GRPR: variants seen among roughly 807,000 people sequenced by gnomAD.
GRPR encodes gastrin releasing peptide receptor, also known as gastrin-releasing peptide receptor.
Under a neutral mutation model 15.6 loss-of-function variants are expected in GRPR, and 4 were observed. The ratio of observed to expected loss-of-function variants is 0.26; its 90% CI spans 0.13 to 0.59. The LOEUF is 0.59. Among genes scored for constraint, GRPR ranks in the 20% least tolerant of loss-of-function variants. GRPR has a pLI of 0.90. For missense variants in GRPR, 270 were observed against 304.1 expected (o/e 0.89, Z 0.83); for synonymous variants, 128 against 126.8 (o/e 1.01, Z -0.06).
Position 16,124,323 on chromosome X carries a change from G to A in GRPR, c.370G>A (p.Val124Ile), listed in dbSNP as rs776833596. ...GATCCCCTTTATACAGCTTACCTCT[G>A]TTGGGGTGTCTGTCTTCACACTCAC... ...KLIPFIQLTS[V>I]GVSVFTLTAL... Residue 124 changes from valine (V) to isoleucine (I), a missense_variant, in exon 1 of 3, where the codon GTT becomes ATT. Transcript: ENST00000380289. 1 of 1,211,072 alleles carries A rather than the reference G, an allele frequency of 8.3e-7. No homozygotes were observed. Among genetic ancestry groups the A allele is most frequent in the Non-Finnish European group, 1.1e-6 (1 of 894,927 alleles).
chrX:16,142,844 C>T (rs1922549302), intron 1 of GRPR, among the ~76,000 whole-genome samples: 1 of 110,171 alleles, frequency 9.1e-6, no homozygotes, highest in African/African-American at 3.3e-5. Flanking sequence ...CTGCAGGGAA[C>T]TGGCCCAACT....
intron 1 of GRPR, among the ~76,000 whole-genome samples, chrX:16,145,871 C>T (rs975424576): frequency 1.1e-4 from 12 of 111,728 alleles, no homozygotes; most frequent in African/African-American, 2.9e-4. Flanking sequence ...GCATAATAAG[C>T]AGAAAATGAG....
At chrX:16,143,697 T>C (rs1487569529) in intron 1 of GRPR, among the ~76,000 whole-genome samples, 2 of 112,277 alleles carry the variant, frequency 1.8e-5, no homozygotes, top group African/African-American at 6.5e-5. Flanking sequence ...TACTCCTTTC[T>C]TTAGAGGTTC....
At position 16,123,994 on chromosome X, in the gene GRPR, A is replaced by G; in HGVS notation, c.41A>G (p.Asp14Gly). The G allele has an allele frequency of 8.3e-7, 1 of 1,207,871 alleles. No individual in the cohort carries two copies. Among genetic ancestry groups the G allele is most frequent in the Non-Finnish European group, 1.1e-6 (1 of 892,288 alleles). ...TGTTTCCTTCTGAACTTGGAGGTGG[A>G]CCATTTCATGCACTGCAACATCTCC... ...NDCFLLNLEV[D>G]HFMHCNISSH... The change falls in exon 1 of 3, where the codon GAC becomes GGC. Residue 14 changes from aspartate (D) to glycine (G), a missense_variant. By Grantham distance (94) the Asp-to-Gly change is moderately conservative. Coordinates refer to ENST00000380289, the MANE Select transcript of GRPR (RefSeq NM_005314.3).
chrX:16,150,160 C>A, intron 1 of GRPR, 145 bp from the exon 2 acceptor site: 1 of 487,290 alleles, frequency 2.1e-6, no homozygotes, highest in Admixed American at 2.9e-5. Flanking sequence ...GGTCACAGAG[C>A]TCAGAGTCGG....
At chrX:16,142,587 A>G (rs1922545433) in intron 1 of GRPR, among the ~76,000 whole-genome samples, 1 of 112,284 alleles carries the variant, frequency 8.9e-6, no homozygotes, top group African/African-American at 3.2e-5. Context: ...GTAACATAGA[A>G]TGAAATTGTA....
At chrX:16,132,130 A>T (rs765835532) in intron 1 of GRPR, among the ~76,000 whole-genome samples, 61 of 112,256 alleles carry the variant, frequency 5.4e-4, no homozygotes, top group African/African-American at 1.9e-3. Flanking sequence ...GCATGAAGAG[A>T]GGAATAAAGG....
At chrX:16,148,702 C>T (rs1187729978) in intron 1 of GRPR, among the ~76,000 whole-genome samples, 1 of 111,543 alleles carries the variant, frequency 9.0e-6, no homozygotes, top group East Asian at 2.8e-4. Context: ...GTGCAAATCA[C>T]AGTGCTGGCA....
chrX:16,142,184 T>TA (rs1258841957), intron 1 of GRPR, among the ~76,000 whole-genome samples: 2 of 112,120 alleles, frequency 1.8e-5, no homozygotes, highest in East Asian at 5.6e-4. Context: ...ACAGTTATAA[T>TA]AAGCTTTTCT....
rs1922737017 is a variant in GRPR, at chrX:16,152,803, A to C, written c.*158A>C. On this transcript the variant is annotated 3_prime_UTR_variant, in exon 3 of 3. Coordinates refer to ENST00000380289, the MANE Select transcript of GRPR (RefSeq NM_005314.3). ...GAGGCCCAAATGATGGATCACCATTATATTTTGAAAGAAGCCATCAAGTCT... is the reference window on the plus strand; with the variant it reads ...GAGGCCCAAATGATGGATCACCATTCTATTTTGAAAGAAGCCATCAAGTCT... 2.7e-5 allele frequency: 13 copies of C among 489,491 alleles called. No homozygotes were observed. Among genetic ancestry groups the C allele is most frequent in the Non-Finnish European group, 3.9e-5 (11 of 279,706 alleles). The allele number at this position is 489,491 out of a possible 1,213,427, so 40.3% of individuals were successfully genotyped here.
chrX:16,150,461 C>T lies in GRPR; in HGVS notation c.570C>T (p.Asn190=), dbSNP rs1922679263. 1 of 1,207,613 alleles carries T rather than the reference C, an allele frequency of 8.3e-7. No homozygotes were observed. The change falls in exon 2 of 3, where the codon AAC becomes AAT. Residue 190 remains asparagine (N), a synonymous_variant. Transcript: ENST00000380289. ...DLHPFHEEST[N]QTFISCAPYP... is the part of the protein sequence containing the mutation. ...ATCCCTTCCATGAGGAAAGCACCAA[C>T]CAGACCTTCATTAGCTGTGCCCCAT...
At chrX:16,128,130 T>G (rs1040666085) in intron 1 of GRPR, among the ~76,000 whole-genome samples, 5 of 112,738 alleles carry the variant, frequency 4.4e-5, no homozygotes, top group Non-Finnish European at 9.4e-5. Context: ...AAATATTGAC[T>G]AATTAAAATT....
rs767460838 is a variant in GRPR, at chrX:16,139,411, C to T, written c.414-10894C>T. 1.3e-4 allele frequency among the ~76,000 whole-genome samples: 14 copies of T among 111,410 alleles called. No homozygotes were observed. In the South Asian group the frequency reaches 3.4e-3, roughly 27 times the overall value. ...CTGCGGCCCGGGATGGCTTTGAATA[C>T]GGCCCAACACAAATCCATAAACTTT... On this transcript the variant is annotated intron_variant, in intron 1 of 2. Coordinates refer to ENST00000380289, the MANE Select transcript of GRPR (RefSeq NM_005314.3).
chrX:16,137,785 T>C (rs761280009), intron 1 of GRPR, among the ~76,000 whole-genome samples: 21 of 111,185 alleles, frequency 1.9e-4, no homozygotes, highest in Non-Finnish European at 3.4e-4. Context: ...GAGGAATGGG[T>C]TGTCTTGAGC....
At chrX:16,138,331 G>A (rs901962039) in intron 1 of GRPR, among the ~76,000 whole-genome samples, 16 of 112,037 alleles carry the variant, frequency 1.4e-4, no homozygotes, top group Non-Finnish European at 2.4e-4. Context: ...GAAACTGGGA[G>A]ATGTTTATGC....
chrX:16,125,478 A>G, intron 1 of GRPR, among the ~76,000 whole-genome samples: 1 of 112,455 alleles, frequency 8.9e-6, no homozygotes. Flanking sequence ...AGTGTTCTGG[A>G]AAAGACATAG....
chrX:16,124,799 G>A (rs1034629225), intron 1 of GRPR, among the ~76,000 whole-genome samples: 16 of 111,975 alleles, frequency 1.4e-4, no homozygotes, highest in Admixed American at 1.2e-3. Flanking sequence ...TCTTCAAAAC[G>A]TTCTTTCAGA....
intron 1 of GRPR, among the ~76,000 whole-genome samples, chrX:16,142,137 A>G (rs1569127451): frequency 8.9e-6 from 1 of 112,121 alleles, no homozygotes; most frequent in Non-Finnish European, 1.9e-5. Flanking sequence ...CATTCCCGGT[A>G]TAGGCTCTAA....
chrX:16,150,702 C>T (rs1922685769), intron 2 of GRPR, 46 bp downstream of exon 2: 13 of 785,764 alleles, frequency 1.7e-5, no homozygotes, highest in Non-Finnish European at 2.0e-5. Context: ...GATATAATCC[C>T]TTGCATTTCT....
Sources: gnomAD v4.1 joint callset for allele counts (sites outside exome capture counted in the v4.1 genomes callset) on GRCh38, gnomAD v4.1.1 for gene constraint, MANE v1.5 for transcripts, NCBI Gene and HGNC (gene_info 2026-07-23, HGNC 2026-07-21) for gene names.